The following SIAE variants were observed in gnomAD, a reference collection of about 807,000 sequenced individuals.
The protein encoded by SIAE is sialate O-acetylesterase.
SIAE carries 39 observed loss-of-function variants against 52.6 expected under a neutral mutation model. The observed-to-expected ratio is 0.74, with a 90% CI of 0.57 to 0.97. SIAE has a LOEUF of 0.97. Among genes scored for constraint, SIAE ranks in the 50% least tolerant of loss-of-function variants. SIAE has a pLI of 0.00. For missense variants in SIAE, 592 were observed against 662.1 expected (o/e 0.89, Z 1.16); for synonymous variants, 233 against 241.4 (o/e 0.97, Z 0.32).
At chr11:124,668,469 T>C (rs901998846) in intron 2 of SIAE, among the ~76,000 whole-genome samples, 3 of 152,222 alleles carry the variant, frequency 2.0e-5, no homozygotes, top group Non-Finnish European at 1.5e-5. Flanking sequence ...ATCGGGCACA[T>C]AGTAGGCTCT....
Position 124,636,557 on chromosome 11 carries a change from AAAGAACAC to A in SIAE, c.*386_*393del, listed in dbSNP as rs1294839464. On this transcript the variant is annotated 3_prime_UTR_variant, in exon 10 of 10. Coordinates refer to ENST00000263593, the MANE Select transcript of SIAE (RefSeq NM_170601.5). The stretch of plus-strand genomic sequence containing the variant: ...AGTACTTGGATGGGAGAAATTTTAT[AAAGAACAC>A]ATGAACACTAGCTGGCCTATGTGGC... The A allele has an allele frequency of 7.1e-6, 2 of 281,352 alleles. No homozygotes were observed. Among genetic ancestry groups the A allele is most frequent in the African/African-American group, 4.4e-5 (2 of 45,574 alleles). The allele number at this position is 281,352 out of a possible 1,614,324, so 17.4% of individuals were successfully genotyped here.
intron 8 of SIAE, among the ~76,000 whole-genome samples, chr11:124,639,234 T>G (rs539182003): frequency 1.1e-4 from 16 of 152,198 alleles, no homozygotes; most frequent in Non-Finnish European, 2.4e-4. Flanking sequence ...GTGTGTGGTG[T>G]TCCCTGGGGC....
At chr11:124,675,727 A>G (rs1048360749), upstream of SIAE, 17 of 238,636 alleles carry the variant, frequency 7.1e-5, no homozygotes, top group African/African-American at 2.8e-4. Flanking sequence ...GGAAAAAAAG[A>G]TCATACAGTC....
rs1942753151 is a variant in SIAE, at chr11:124,636,922, AT to A, written c.*28del. 2 of 1,614,106 alleles carry A rather than the reference AT, an allele frequency of 1.2e-6. No individual in the cohort carries two copies. The highest frequency in any genetic ancestry group is 4.5e-5 in the East Asian group (2 of 44,890). ...GCTAAAATCTGAAGGACCCATCCTT[AT>A]ATCTAAGTTCTGATCATACTGAAAC... On this transcript the variant is annotated 3_prime_UTR_variant, in exon 10 of 10. Coordinates refer to ENST00000263593, the MANE Select transcript of SIAE (RefSeq NM_170601.5).
At chr11:124,662,066 AG>A (rs1943193789) in intron 2 of SIAE, among the ~76,000 whole-genome samples, 1 of 152,252 alleles carries the variant, frequency 6.6e-6, no homozygotes, top group African/African-American at 2.4e-5. Flanking sequence ...CATCAGAGGA[AG>A]GGTGCATGCT....
At position 124,633,991 on chromosome 11, in the gene SIAE, A is replaced by G. The variant is rs1942665965; in HGVS notation, c.*2960T>C. On this transcript the variant is annotated 3_prime_UTR_variant, in exon 10 of 10. Coordinates refer to ENST00000263593, the MANE Select transcript of SIAE (RefSeq NM_170601.5). ...CAACTATAGTGTGTACGTATACCACATATACATATACTTGTATGAAGATAT... is the reference window on the plus strand; with the variant it reads ...CAACTATAGTGTGTACGTATACCACGTATACATATACTTGTATGAAGATAT... 1 of 152,266 alleles carries G rather than the reference A, an allele frequency of 6.6e-6. No homozygotes were observed. The highest frequency in any genetic ancestry group is 2.4e-5 in the African/African-American group (1 of 41,476). 9.4% of individuals were successfully genotyped at this position (152,266 alleles called of 1,614,324 possible).
intron 4 of SIAE, 22 bp downstream of exon 4, chr11:124,654,633 G>T (rs774096580): frequency 6.2e-7 from 1 of 1,614,032 alleles, no homozygotes; most frequent in African/African-American, 1.3e-5. Flanking sequence ...ATAAGAGACA[G>T]CACGTTCAAG....
At chr11:124,675,720 A>G (rs1167568762), upstream of SIAE, 2 of 243,746 alleles carry the variant, frequency 8.2e-6, no homozygotes, top group African/African-American at 4.6e-5. Context: ...CAGTGGGGGA[A>G]AAAAAGATCA....
chr11:124,650,381 CA>C lies in SIAE; in HGVS notation c.545-586del, dbSNP rs375714602. 1.3e-4 allele frequency among the ~76,000 whole-genome samples: 20 copies of C among 152,262 alleles called. No individual in the cohort carries two copies. The East Asian group carries it at 3.3e-3, about 25-fold the overall frequency. ...CCCCTCTTACTCAGCCACTCATTCC[CA>C]CTTAGCTCTGTGGAAGGGAAAAAGC... is the stretch of plus-strand genomic sequence containing the variant. On this transcript the variant is annotated intron_variant, in intron 4 of 9. Coordinates refer to ENST00000263593, the MANE Select transcript of SIAE (RefSeq NM_170601.5).
At chr11:124,648,734 G>A (rs566161109) in intron 5 of SIAE, among the ~76,000 whole-genome samples, 1 of 145,322 alleles carries the variant, frequency 6.9e-6, no homozygotes, top group South Asian at 2.1e-4. Flanking sequence ...TTATCCTGTA[G>A]CTGCTGCGTG....
intron 1 of SIAE, among the ~76,000 whole-genome samples, chr11:124,671,519 C>A (rs1388222909): frequency 6.6e-6 from 1 of 152,112 alleles, no homozygotes; most frequent in Non-Finnish European, 1.5e-5. Context: ...AGTTAGAAAA[C>A]AAGTCACTTG....
intron 4 of SIAE, among the ~76,000 whole-genome samples, chr11:124,651,594 A>G (rs1286111229): frequency 1.3e-5 from 2 of 152,190 alleles, no homozygotes; most frequent in Non-Finnish European, 2.9e-5. Flanking sequence ...TGAATAAAAT[A>G]TATGGCAAAA....
At chr11:124,648,821 C>T (rs1046115999) in intron 5 of SIAE, among the ~76,000 whole-genome samples, 1 of 152,182 alleles carries the variant, frequency 6.6e-6, no homozygotes, top group Admixed American at 6.5e-5. Flanking sequence ...CACTCCTACT[C>T]TACTGCAGGC....
In SIAE at chr11:124,635,619, T is replaced by C. The variant is rs1210833371; in HGVS notation, c.*1332A>G. 2 of 152,258 alleles carry C rather than the reference T, an allele frequency of 1.3e-5. No homozygotes were observed. Among genetic ancestry groups the C allele is most frequent in the African/African-American group, 4.8e-5 (2 of 41,472 alleles). 9.4% of individuals were successfully genotyped at this position (152,258 alleles called of 1,614,324 possible). A position where few individuals can be genotyped will look rare whatever the true frequency, so the allele number is the denominator to read the frequency against. ...TGATTTCATTAATATATTCACTATCTAAACCATATTTTTTACACTACGTAA... is the reference window on the plus strand; with the variant it reads ...TGATTTCATTAATATATTCACTATCCAAACCATATTTTTTACACTACGTAA... On this transcript the variant is annotated 3_prime_UTR_variant, in exon 10 of 10. Coordinates refer to ENST00000263593, the MANE Select transcript of SIAE (RefSeq NM_170601.5).
intron 2 of SIAE, among the ~76,000 whole-genome samples, chr11:124,665,447 G>A (rs1032759331): frequency 2.6e-5 from 4 of 152,156 alleles, no homozygotes; most frequent in African/African-American, 7.2e-5. Context: ...TGCCAGCAAC[G>A]TAAGGGAGCT....
chr11:124,645,544 G>A lies in SIAE; in HGVS notation c.966+1821C>T, dbSNP rs1408651615. Among the ~76,000 whole-genome samples the A allele has an allele frequency of 2.0e-5, 3 of 151,902 alleles. No individual in the cohort carries two copies. The highest frequency in any genetic ancestry group is 1.3e-4 in the Admixed American group (2 of 15,262). ...TCGAACTCCCGACCTCAGGTGATCC[G>A]CCCACCTCGGCCTCCCAGAGTGCTG... On this transcript the variant is annotated intron_variant, in intron 7 of 9. Transcript: ENST00000263593. This position sits in a 1 kb window ranked among gnomAD's most constrained non-coding sequence, Gnocchi z 4.7.
At chr11:124,642,350 T>C (rs1165601103) in intron 7 of SIAE, among the ~76,000 whole-genome samples, 2 of 152,242 alleles carry the variant, frequency 1.3e-5, no homozygotes, top group Non-Finnish European at 2.9e-5. Flanking sequence ...GCACCTACTC[T>C]GTGTCATGCA....
At chr11:124,663,258 C>T (rs773768716) in intron 2 of SIAE, among the ~76,000 whole-genome samples, 1 of 151,988 alleles carries the variant, frequency 6.6e-6, no homozygotes, top group South Asian at 2.1e-4. Context: ...AATGGTTAAA[C>T]CAACTCAGAG....
At chr11:124,675,305 A>T (rs753028777), upstream of SIAE, 44 of 1,614,058 alleles carry the variant, frequency 2.7e-5, no homozygotes, top group Middle Eastern at 4.9e-4. Context: ...CGAATTCCAC[A>T]AGGATTTGGG....
Sources: gnomAD v4.1 joint callset for allele counts (sites outside exome capture counted in the v4.1 genomes callset) on GRCh38, gnomAD v4.1.1 for gene constraint, Gnocchi (gnomAD v3.1) non-coding constraint, MANE v1.5 for transcripts, NCBI Gene and HGNC (gene_info 2026-07-23, HGNC 2026-07-21) for gene names.